DENND4C: variants seen among roughly 807,000 people sequenced by gnomAD.
DENND4C encodes DENN domain containing 4C.
DENND4C carries 108 observed loss-of-function variants against 203.0 expected under a neutral mutation model. That is an observed-to-expected ratio of 0.53 (90% CI 0.46 to 0.62). The LOEUF (loss-of-function observed/expected upper bound fraction) is 0.62. Ranked by LOEUF, DENND4C falls within the 20% of genes least tolerant of loss-of-function variation. The pLI, the probability that DENND4C is intolerant of heterozygous loss-of-function variation, is 0.00. For synonymous variants in DENND4C, 871 were observed against 792.4 expected (o/e 1.10, Z -1.67); for missense variants, 2,481 against 2,301.2 (o/e 1.08, Z -1.60).
At chr9:19,250,470 G>GC (rs1183723740) in intron 1 of DENND4C, among the ~76,000 whole-genome samples, 1 of 151,928 alleles carries the variant, frequency 6.6e-6, no homozygotes, top group Non-Finnish European at 1.5e-5. Context: ...CAAGTGATCT[G>GC]CCCCCGCTCA....
chr9:19,312,146 C>T (rs1840858429), intron 10 of DENND4C, among the ~76,000 whole-genome samples: 1 of 152,142 alleles, frequency 6.6e-6, no homozygotes, highest in Non-Finnish European at 1.5e-5. Context: ...CTCTGTCGCC[C>T]AGGCTGGAGT....
intron 29 of DENND4C, among the ~76,000 whole-genome samples, chr9:19,361,295 G>A (rs1173359081): frequency 1.3e-5 from 2 of 152,098 alleles, no homozygotes; most frequent in Non-Finnish European, 1.5e-5. Flanking sequence ...TTTCTGTAAG[G>A]TGACATACCT....
chr9:19,370,771 C>T (rs931698530), intron 31 of DENND4C, among the ~76,000 whole-genome samples: 4 of 152,196 alleles, frequency 2.6e-5, no homozygotes, highest in African/African-American at 9.6e-5. Context: ...GTACTCATCC[C>T]CTCCTCAACA....
At position 19,316,611 on chromosome 9, in the gene DENND4C, C is replaced by A. The variant is rs775948204; in HGVS notation, c.1589-10C>A. On this transcript the variant is annotated splice_polypyrimidine_tract_variant and intron_variant, in intron 11 of 32. Coordinates refer to ENST00000434457, the MANE Select transcript of DENND4C (RefSeq NM_001330640.2). ...ATAATACCATTTTCTGTTTTTATTT[C>A]CTTTGTTAGTTCACCAAAAAACTCA... 1.5e-5 allele frequency: 24 copies of A among 1,610,878 alleles called. No homozygotes were observed. The South Asian group carries it at 2.6e-4, about 18-fold the overall frequency.
At chr9:19,324,211 G>T in intron 12 of DENND4C, 151 bp from the exon 13 acceptor site, 1 of 474,666 alleles carries the variant, frequency 2.1e-6, no homozygotes, top group East Asian at 3.8e-5. Context: ...TCAGATAAGA[G>T]ATACTCAACC....
chr9:19,242,543 C>T (rs1209503153), intron 1 of DENND4C, among the ~76,000 whole-genome samples: 2 of 152,136 alleles, frequency 1.3e-5, no homozygotes, highest in African/African-American at 4.8e-5. Flanking sequence ...TTTCCATCAG[C>T]AGTGAATGTT....
intron 1 of DENND4C, among the ~76,000 whole-genome samples, chr9:19,261,194 T>C (rs1829265884): frequency 6.6e-6 from 1 of 152,116 alleles, no homozygotes; most frequent in Admixed American, 6.6e-5. Flanking sequence ...TATTTCTGGG[T>C]TCTCTATTGT....
At position 19,341,246 on chromosome 9, in the gene DENND4C, C is replaced by G. The variant is rs182538091; in HGVS notation, c.3004+132C>G. The G allele has an allele frequency of 4.3e-4, 268 of 625,044 alleles. 1 individual carries two copies. The highest frequency in any genetic ancestry group is 4.1e-3 in the African/African-American group (206 of 50,656). 38.7% of individuals were successfully genotyped at this position (625,044 alleles called of 1,614,324 possible). A position where few individuals can be genotyped will look rare whatever the true frequency, so the allele number is the denominator to read the frequency against. ...GGTCTGGCTCCTAAGATGCTGTGTACTGTTACATAAGGTAGATTTTGGTAG... is the reference window on the plus strand; with the variant it reads ...GGTCTGGCTCCTAAGATGCTGTGTAGTGTTACATAAGGTAGATTTTGGTAG... On this transcript the variant is annotated intron_variant, in intron 21 of 32. Coordinates refer to ENST00000434457, the MANE Select transcript of DENND4C (RefSeq NM_001330640.2).
rs368857837 is a variant in DENND4C, at chr9:19,372,858, C to CAAAAAAAAAAA, written c.*697_*707dup. 3.3e-3 allele frequency: 176 copies of CAAAAAAAAAAA among 52,986 alleles called. 6 individuals are homozygous for CAAAAAAAAAAA. Among genetic ancestry groups the CAAAAAAAAAAA allele is most frequent in the African/African-American group, 0.01 (172 of 16,944 alleles). 3.3% of individuals were successfully genotyped at this position (52,986 alleles called of 1,614,324 possible). On this transcript the variant is annotated 3_prime_UTR_variant, in exon 33 of 33. Transcript: ENST00000434457. ...CTTGGGTGACAGAGTGAGACCGTCT[C>CAAAAAAAAAAA]AAAAAAAAAAAAAAAAAAAAAAGAG...
In DENND4C at chr9:19,316,739, T is replaced by A; in HGVS notation, c.1707T>A (p.Phe569Leu). 6.2e-7 allele frequency: 1 copy of A among 1,614,144 alleles called. No homozygotes were observed. Among genetic ancestry groups the A allele is most frequent in the Non-Finnish European group, 8.5e-7 (1 of 1,180,008 alleles). ...AAATTCAAGAGGCATTTTTGCGCTT[T>A]ATGGCGTCTATTTTAAAAGGATATA... The part of the protein sequence containing the change: ...EMEIQEAFLR[F>L]MASILKGYRT... The change falls in exon 12 of 33, where the codon TTT (phenylalanine) becomes TTA (leucine). Residue 569 changes from phenylalanine to leucine, a missense_variant. Around this residue, in one of 3 missense-constraint regions of DENND4C, gnomAD observed 2,289 missense variants for 2,113.3 expected, o/e 1.08. Coordinates refer to ENST00000434457, the MANE Select transcript of DENND4C (RefSeq NM_001330640.2).
rs539886430 is a variant in DENND4C at position 19,299,181 on chromosome 9, GTTTGGTTAATTTATC to G, written c.1108-29_1108-15del. On this transcript the variant is annotated intron_variant, in intron 7 of 32. Transcript: ENST00000434457. ...AAGTAGTTTTGAAACTTATCTCTTG[GTTTGGTTAATTTATC>G]TTTGGTTAATTTATCTTTTTTTTTT... 2.1e-4 allele frequency: 297 copies of G among 1,386,748 alleles called. No homozygotes were observed. In the East Asian group the frequency reaches 7.3e-3, roughly 34 times the overall value. The allele number at this position is 1,386,748 out of a possible 1,614,324, so 85.9% of individuals were successfully genotyped here. A position where few individuals can be genotyped will look rare whatever the true frequency, so the allele number is the denominator to read the frequency against.
chr9:19,306,679 CTT>C (rs1019508374), intron 10 of DENND4C, among the ~76,000 whole-genome samples: 1 of 151,628 alleles, frequency 6.6e-6, no homozygotes, highest in Non-Finnish European at 1.5e-5. Flanking sequence ...TTTTGAGTAA[CTT>C]TTATAAAACT....
At chr9:19,257,690 G>C (rs1387186864) in intron 1 of DENND4C, among the ~76,000 whole-genome samples, 3 of 152,158 alleles carry the variant, frequency 2.0e-5, no homozygotes, top group Non-Finnish European at 4.4e-5. Flanking sequence ...ACTGATATCA[G>C]AATTAGAGAG....
intron 1 of DENND4C, among the ~76,000 whole-genome samples, chr9:19,266,087 T>C (rs191378048): frequency 3.0e-4 from 45 of 152,282 alleles, no homozygotes; most frequent in African/African-American, 1.1e-3. Context: ...GTAAAAGTGT[T>C]CCTATTTCTC....
At chr9:19,252,862 A>C (rs1294069352) in intron 1 of DENND4C, among the ~76,000 whole-genome samples, 1 of 152,122 alleles carries the variant, frequency 6.6e-6, no homozygotes, top group East Asian at 1.9e-4. Context: ...CAGCCTTCCA[A>C]GTATCTAGGA....
chr9:19,239,823 C>T (rs932307258), intron 1 of DENND4C, among the ~76,000 whole-genome samples: 3 of 152,094 alleles, frequency 2.0e-5, no homozygotes, highest in East Asian at 3.8e-4. Context: ...GCTTGTTTTA[C>T]GGTCCAGCAT....
intron 10 of DENND4C, among the ~76,000 whole-genome samples, chr9:19,315,155 CAAAAAAAAA>C (rs10623955): frequency 0.013 from 1,516 of 119,454 alleles, 29 homozygotes; most frequent in African/African-American, 0.044. Flanking sequence ...GACTCCGTCT[CAAAAAAAAA>C]AAAAAAAAGA....
intron 2 of DENND4C, among the ~76,000 whole-genome samples, chr9:19,282,169 C>T (rs1834182172): frequency 6.6e-6 from 1 of 151,492 alleles, no homozygotes; most frequent in African/African-American, 2.4e-5. Flanking sequence ...ACTTACCATA[C>T]AGCTGTACAA....
At chr9:19,260,210 C>T (rs529762972) in intron 1 of DENND4C, among the ~76,000 whole-genome samples, 16 of 152,252 alleles carry the variant, frequency 1.1e-4, no homozygotes, top group Non-Finnish European at 2.1e-4. Context: ...AATTTTGATG[C>T]ATTTCTCTGA....
Sources: gnomAD v4.1 joint callset for allele counts (sites outside exome capture counted in the v4.1 genomes callset) on GRCh38, gnomAD v4.1.1 for gene constraint, gnomAD v4.1.1 regional missense constraint, MANE v1.5 for transcripts, NCBI Gene and HGNC (gene_info 2026-07-23, HGNC 2026-07-21) for gene names.